The following RIOK1 variants were observed in gnomAD, a reference collection of about 807,000 sequenced individuals.
RIOK1 encodes the protein RIO kinase 1.
In RIOK1, 66 loss-of-function variants were observed where a neutral mutation model predicts 73.5. That is an observed-to-expected ratio of 0.90 (90% CI 0.74 to 1.10). The LOEUF (loss-of-function observed/expected upper bound fraction) is 1.10, where lower values mean the gene tolerates loss of function less well. RIOK1 is among the 50% of genes least tolerant of loss of function. The pLI is 0.00. For synonymous variants in RIOK1, 224 were observed against 226.8 expected (o/e 0.99, Z 0.11); for missense variants, 658 against 699.8 (o/e 0.94, Z 0.67).
chr6:7,408,725 C>CTT (rs755581840), intron 12 of RIOK1, among the ~76,000 whole-genome samples: 11 of 142,142 alleles, frequency 7.7e-5, no homozygotes, highest in African/African-American at 2.3e-4. Flanking sequence ...TTTTCTTTTT[C>CTT]TTTTTTTTTT....
Position 7,389,815 on chromosome 6 carries a change from C to T in RIOK1, c.-188C>T, listed in dbSNP as rs1251030716. 2.5e-5 allele frequency: 15 copies of T among 600,538 alleles called. No individual in the cohort carries two copies. Among genetic ancestry groups the T allele is most frequent in the Non-Finnish European group, 3.6e-5 (12 of 333,830 alleles). 37.2% of individuals were successfully genotyped at this position (600,538 alleles called of 1,614,324 possible). ...TCCGGGCGAGGCGGTGAGGGGCTTC[C>T]GGTTGGGGTGGCAGGGTGGTGGATC... On this transcript the variant is annotated 5_prime_UTR_variant, in exon 1 of 17. Coordinates refer to ENST00000379834, the MANE Select transcript of RIOK1 (RefSeq NM_031480.3).
chr6:7,392,372 T>G (rs1346768860), intron 1 of RIOK1, among the ~76,000 whole-genome samples: 1 of 152,178 alleles, frequency 6.6e-6, no homozygotes, highest in Non-Finnish European at 1.5e-5. Context: ...GTCCCTGTAT[T>G]CACCATTTCT....
rs765500850 is a variant in RIOK1 at position 7,402,607 on chromosome 6, A to G, written c.578A>G (p.Asn193Ser). The G allele has an allele frequency of 5.0e-6, 8 of 1,592,626 alleles. No homozygotes were observed. The East Asian group carries it at 1.8e-4, about 36-fold the overall frequency. Residue 193 changes from asparagine (N) to serine (S), a missense_variant, in exon 7 of 17, where the codon AAT becomes AGT. Asn to Ser is a conservative substitution (Grantham distance 46). Coordinates refer to ENST00000379834, the MANE Select transcript of RIOK1 (RefSeq NM_031480.3). ...TTTTTTTTTGACTTAATATAGGCTA[A>G]TGTATACCATGCTAGCACAGCAAAT... ...NGCISTGKEA[N>S]VYHASTANGE...
chr6:7,396,520 G>A (rs1413763947), intron 3 of RIOK1, among the ~76,000 whole-genome samples, 183 bp from the exon 4 acceptor site: 2 of 152,124 alleles, frequency 1.3e-5, no homozygotes, highest in Admixed American at 1.3e-4. Context: ...CGAAGGAAAC[G>A]CAGTTTAGTG....
At chr6:7,395,713 GT>G (rs139887944) in intron 3 of RIOK1, among the ~76,000 whole-genome samples, 129 of 143,290 alleles carry the variant, frequency 9.0e-4, no homozygotes, top group South Asian at 2.9e-3. Context: ...TCGGTTTTAG[GT>G]TTTTTTTTTT....
At chr6:7,402,470 A>T (rs1761635272) in intron 6 of RIOK1, 133 bp from the exon 7 acceptor site, 1 of 600,280 alleles carries the variant, frequency 1.7e-6, no homozygotes, top group Non-Finnish European at 2.9e-6. Flanking sequence ...TTTAATTCAC[A>T]TATTCAAAAG....
At chr6:7,410,074 A>T (rs1222588331) in intron 12 of RIOK1, among the ~76,000 whole-genome samples, 1 of 152,202 alleles carries the variant, frequency 6.6e-6, no homozygotes, top group Non-Finnish European at 1.5e-5. Context: ...AGTAAATGCT[A>T]AAGCATTTAC....
chr6:7,400,802 T>G (rs139834256), intron 5 of RIOK1, among the ~76,000 whole-genome samples, 156 bp from the exon 6 acceptor site: 1,673 of 152,312 alleles, frequency 0.011, 20 homozygotes, highest in African/African-American at 0.034. Context: ...TGATTAACAA[T>G]TAGAGTGAAT....
intron 2 of RIOK1, among the ~76,000 whole-genome samples, chr6:7,394,135 A>G (rs1478027422): frequency 6.6e-6 from 1 of 152,202 alleles, no homozygotes; most frequent in East Asian, 1.9e-4. Flanking sequence ...TCCTTTGACC[A>G]TTAAAATGGC....
intron 6 of RIOK1, among the ~76,000 whole-genome samples, chr6:7,401,542 G>A (rs997461875): frequency 6.6e-6 from 1 of 151,828 alleles, no homozygotes; most frequent in African/African-American, 2.4e-5. Context: ...ATAAATATAT[G>A]TGAGTGTTGT....
intron 1 of RIOK1, among the ~76,000 whole-genome samples, chr6:7,391,606 C>T (rs1475734661): frequency 6.6e-6 from 1 of 152,196 alleles, no homozygotes; most frequent in African/African-American, 2.4e-5. Flanking sequence ...TGTAAGGATA[C>T]ACCAGTGATT....
In RIOK1 at chr6:7,411,404, A is replaced by T; in HGVS notation, c.1342A>T (p.Met448Leu). The T allele has an allele frequency of 6.2e-7, 1 of 1,613,982 alleles. No individual in the cohort carries two copies. The highest frequency in any genetic ancestry group is 8.5e-7 in the Non-Finnish European group (1 of 1,179,838). The part of the protein sequence containing the change: ...KNYERDMDII[M>L]KLKEEDMAMN... ...TTATGAGAGGGATATGGACATAATT[A>T]TGAAATTGAAGGAAGAGGACATGGC... The change falls in exon 14 of 17, where the codon ATG (methionine) becomes TTG (leucine). Residue 448 changes from methionine to leucine, a missense_variant. Transcript: ENST00000379834.
chr6:7,416,677 G>A (rs568484825), intron 16 of RIOK1, among the ~76,000 whole-genome samples: 15 of 150,498 alleles, frequency 1.0e-4, no homozygotes, highest in Admixed American at 5.3e-4. Context: ...GCTCAAGGCC[G>A]GTTATGGTGG....
intron 7 of RIOK1, 39 bp from the exon 8 acceptor site, chr6:7,402,778 A>C: frequency 6.2e-7 from 1 of 1,604,070 alleles, no homozygotes; most frequent in Non-Finnish European, 8.5e-7. Context: ...TAAAATAATA[A>C]TGGAATGATT....
At chr6:7,391,791 C>T (rs1761349489) in intron 1 of RIOK1, among the ~76,000 whole-genome samples, 4 of 152,152 alleles carry the variant, frequency 2.6e-5, no homozygotes, top group South Asian at 2.1e-4. Context: ...TCCCCCACAA[C>T]GAAGAATTAT....
chr6:7,405,006 T>A lies in RIOK1; in HGVS notation c.1081T>A (p.Cys361Ser). ...TGCCTTGGAGTTCTTGAGAAAGGAT[T>A]GCGCCAACGTCAATGGTGAGTAGAA... is the stretch of plus-strand genomic sequence containing the variant. ...PHALEFLRKDCANVNDFFMRH... is the reference protein window; with the variant it reads ...PHALEFLRKDSANVNDFFMRH... Residue 361 changes from cysteine to serine, a missense_variant, in exon 11 of 17, where the codon TGC (cysteine) becomes AGC (serine). Cys to Ser is a moderately radical substitution (Grantham distance 112, BLOSUM62 -1). Coordinates refer to ENST00000379834, the MANE Select transcript of RIOK1 (RefSeq NM_031480.3). 8.7e-6 allele frequency: 14 copies of A among 1,613,976 alleles called. No individual in the cohort carries two copies. The highest frequency in any genetic ancestry group is 1.2e-5 in the Non-Finnish European group (14 of 1,179,904).
chr6:7,411,520 T>G (rs1056767965), intron 14 of RIOK1, 69 bp downstream of exon 14: 12 of 1,557,580 alleles, frequency 7.7e-6, no homozygotes, highest in Non-Finnish European at 1.1e-5. Context: ...CAAACCTATC[T>G]GGGCCTTTTA....
intron 16 of RIOK1, among the ~76,000 whole-genome samples, chr6:7,415,016 G>A (rs1377259566): frequency 6.6e-6 from 1 of 152,186 alleles, no homozygotes; most frequent in Non-Finnish European, 1.5e-5. Context: ...CTGCTGTGAT[G>A]TTGTGGTGCT....
chr6:7,398,624 T>A (rs1289228539), intron 4 of RIOK1, 74 bp from the exon 5 acceptor site: 2 of 1,108,640 alleles, frequency 1.8e-6, no homozygotes, highest in East Asian at 2.4e-5. Context: ...TTCATGAAAT[T>A]ATCTACATTT....
Sources: gnomAD v4.1 joint callset for allele counts (sites outside exome capture counted in the v4.1 genomes callset) on GRCh38, gnomAD v4.1.1 for gene constraint, MANE v1.5 for transcripts, NCBI Gene and HGNC (gene_info 2026-07-23, HGNC 2026-07-21) for gene names.